GPHN: variants seen among roughly 807,000 people sequenced by gnomAD.
The protein encoded by GPHN is gephyrin.
A neutral mutation model predicts 95.5 loss-of-function variants in GPHN; 17 were observed. The observed-to-expected ratio is 0.18, with a 90% CI of 0.12 to 0.27. The LOEUF is 0.27. Ranked by LOEUF, GPHN falls within the 10% of genes least tolerant of loss-of-function variation. GPHN has a pLI of 1.00. For synonymous variants in GPHN, 320 were observed against 322.5 expected (o/e 0.99, Z 0.08); for missense variants, 660 against 978.1 (o/e 0.67, Z 4.34).
At chr14:66,782,963 G>C (rs1183610576) in intron 3 of GPHN, among the ~76,000 whole-genome samples, 2 of 152,114 alleles carry the variant, frequency 1.3e-5, no homozygotes, top group African/African-American at 4.8e-5. Context: ...TGAGTTACTT[G>C]GGTTTCCTTA....
At chr14:67,429,186 A>C in the GPHN span, among the ~76,000 whole-genome samples, 2 of 151,876 alleles carry the variant, frequency 1.3e-5, no homozygotes, top group Non-Finnish European at 2.9e-5. Flanking sequence ...GTGGTGGCTC[A>C]TGCCTGTAAT....
At chr14:66,791,915 C>T (rs1566949373) in intron 3 of GPHN, among the ~76,000 whole-genome samples, 2 of 152,144 alleles carry the variant, frequency 1.3e-5, no homozygotes, top group Non-Finnish European at 2.9e-5. Flanking sequence ...TTCCACGTGG[C>T]TGGGGAGGCC....
the GPHN span, among the ~76,000 whole-genome samples, chr14:67,311,557 G>A: frequency 6.6e-6 from 1 of 152,054 alleles, no homozygotes; most frequent in Non-Finnish European, 1.5e-5. Context: ...GCCCAGGTTA[G>A]GTAAAAATTA....
intron 17 of GPHN, among the ~76,000 whole-genome samples, chr14:67,134,972 T>C: frequency 7.4e-6 from 1 of 134,436 alleles, no homozygotes; most frequent in Non-Finnish European, 1.6e-5. Context: ...TTTTTTTTTT[T>C]TTTTTTTGAC....
chr14:66,761,462 G>A (rs2058751955), intron 2 of GPHN, among the ~76,000 whole-genome samples: 1 of 152,098 alleles, frequency 6.6e-6, no homozygotes, highest in Non-Finnish European at 1.5e-5. Context: ...TTTGATTTTA[G>A]TACTTCCTGT....
the GPHN span, among the ~76,000 whole-genome samples, chr14:67,705,249 G>A: frequency 2.0e-5 from 3 of 152,214 alleles, no homozygotes; most frequent in African/African-American, 7.2e-5. Flanking sequence ...CAATACAGAG[G>A]TTACAGTCCT....
intron 4 of GPHN, among the ~76,000 whole-genome samples, chr14:66,864,070 C>T (rs562386411): frequency 3.9e-5 from 6 of 152,150 alleles, no homozygotes; most frequent in East Asian, 3.9e-4. Context: ...ACCCACCTGA[C>T]GAGGGATTAA....
chr14:66,946,721 G>T (rs1477188092), intron 8 of GPHN, among the ~76,000 whole-genome samples: 1 of 152,120 alleles, frequency 6.6e-6, no homozygotes, highest in African/African-American at 2.4e-5. Flanking sequence ...ATATTCTTAA[G>T]TGAACCAGTT....
At chr14:67,363,240 A>G in the GPHN span, among the ~76,000 whole-genome samples, 4 of 151,752 alleles carry the variant, frequency 2.6e-5, no homozygotes, top group Non-Finnish European at 4.4e-5. Flanking sequence ...TTAAAAACGA[A>G]ACAAACAGTC....
At chr14:67,602,314 G>A in the GPHN span, among the ~76,000 whole-genome samples, 3 of 152,182 alleles carry the variant, frequency 2.0e-5, no homozygotes, top group Non-Finnish European at 4.4e-5. Context: ...AGACCAGCAT[G>A]GGGGAAATCC....
At chr14:67,036,797 A>G (rs1222745925) in intron 10 of GPHN, among the ~76,000 whole-genome samples, 4 of 151,978 alleles carry the variant, frequency 2.6e-5, no homozygotes, top group Non-Finnish European at 5.9e-5. Context: ...GACACAGTAA[A>G]TGGAAAGATA....
At chr14:66,656,378 T>G (rs1466751424) in intron 1 of GPHN, among the ~76,000 whole-genome samples, 1 of 152,188 alleles carries the variant, frequency 6.6e-6, no homozygotes, top group African/African-American at 2.4e-5. Context: ...AACTGATGTG[T>G]GTAGAGTGGT....
At chr14:66,611,091 A>C (rs553082852) in intron 1 of GPHN, among the ~76,000 whole-genome samples, 1 of 152,310 alleles carries the variant, frequency 6.6e-6, no homozygotes, top group South Asian at 2.1e-4. Context: ...AGCCCTTCAC[A>C]TAATAAAAGC....
At chr14:67,542,346 C>A in the GPHN span, among the ~76,000 whole-genome samples, 1 of 152,174 alleles carries the variant, frequency 6.6e-6, no homozygotes, top group African/African-American at 2.4e-5. Context: ...ACAGAAATCT[C>A]TACCCTTCCT....
chr14:67,332,950 G>C, the GPHN span: 2 of 1,603,434 alleles, frequency 1.2e-6, no homozygotes, highest in Non-Finnish European at 1.7e-6. Context: ...CCACTTGGCT[G>C]AGGTGAAAGA....
the GPHN span, chr14:67,392,299 T>A: frequency 7.1e-7 from 1 of 1,412,698 alleles, no homozygotes; most frequent in Non-Finnish European, 1.0e-6. Flanking sequence ...ACTGTCCATC[T>A]CTCTTCCCTG....
chr14:67,191,495 G>A, the GPHN span, among the ~76,000 whole-genome samples: 2 of 152,200 alleles, frequency 1.3e-5, no homozygotes, highest in African/African-American at 4.8e-5. Context: ...TGGCTTTTCA[G>A]ATTCCCACTC....
At chr14:67,376,555 A>T in the GPHN span, 3 of 1,613,946 alleles carry the variant, frequency 1.9e-6, no homozygotes, top group Admixed American at 5.0e-5. Context: ...AGAGACCTGG[A>T]TATGGTGCCT....
the GPHN span, chr14:67,647,146 A>G: frequency 8.6e-6 from 6 of 697,174 alleles, no homozygotes; most frequent in Admixed American, 1.7e-4. Context: ...ATAATTTTAA[A>G]TAGTTCAGAA....
Sources: gnomAD v4.1 joint callset for allele counts (sites outside exome capture counted in the v4.1 genomes callset) on GRCh38, gnomAD v4.1.1 for gene constraint, MANE v1.5 for transcripts, NCBI Gene and HGNC (gene_info 2026-07-23, HGNC 2026-07-21) for gene names.